Variants in FSTL5 observed in about 807,000 individuals in gnomAD.
The protein encoded by FSTL5 is follistatin-related protein 5.
Under a neutral mutation model 89.1 loss-of-function variants are expected in FSTL5, and 62 were observed. The observed-to-expected ratio is 0.70, with a 90% CI of 0.57 to 0.86. FSTL5 has a LOEUF of 0.86. FSTL5 is among the 40% of genes least tolerant of loss of function. FSTL5 has a pLI of 0.00. For missense variants in FSTL5, 1,057 were observed against 1,001.6 expected (o/e 1.06, Z -0.75); for synonymous variants, 383 against 346.2 (o/e 1.11, Z -1.18).
chr4:161,843,642 C>CATCTACA (rs1731278439), intron 4 of FSTL5, among the ~76,000 whole-genome samples: 1 of 152,082 alleles, frequency 6.6e-6, no homozygotes, highest in South Asian at 2.1e-4. Flanking sequence ...TACTGCCACA[C>CATCTACA]ATCTACAACT....
intron 5 of FSTL5, among the ~76,000 whole-genome samples, chr4:161,772,043 C>A (rs1741227970): frequency 6.6e-6 from 1 of 152,060 alleles, no homozygotes; most frequent in East Asian, 1.9e-4. Context: ...TTCTAAAGAG[C>A]CTACCTTCTT....
chr4:161,973,532 T>C (rs1735544195), intron 3 of FSTL5, among the ~76,000 whole-genome samples: 1 of 152,246 alleles, frequency 6.6e-6, no homozygotes, highest in Non-Finnish European at 1.5e-5. Context: ...TAAATAACTG[T>C]ATTTATGTAT....
chr4:161,725,477 G>T (rs62330798), intron 6 of FSTL5, among the ~76,000 whole-genome samples: 2 of 151,528 alleles, frequency 1.3e-5, no homozygotes, highest in Admixed American at 6.6e-5. Flanking sequence ...TATATTAAAA[G>T]TTACTTGCGG....
chr4:161,721,586 G>T (rs1337608157), intron 6 of FSTL5, among the ~76,000 whole-genome samples: 1 of 152,074 alleles, frequency 6.6e-6, no homozygotes, highest in African/African-American at 2.4e-5. Context: ...GAGGCAGAAA[G>T]TAGGGGCCCA....
chr4:161,726,195 G>C (rs1254751678), intron 6 of FSTL5, among the ~76,000 whole-genome samples: 5 of 150,320 alleles, frequency 3.3e-5, no homozygotes, highest in African/African-American at 1.2e-4. Context: ...AAAAAATTAG[G>C]ATGCAACTCT....
intron 3 of FSTL5, among the ~76,000 whole-genome samples, chr4:161,967,473 CA>C (rs1409674790): frequency 6.6e-6 from 1 of 151,322 alleles, no homozygotes; most frequent in Admixed American, 6.6e-5. Flanking sequence ...ATAAGCAAAA[CA>C]AAACAAAACT....
intron 4 of FSTL5, among the ~76,000 whole-genome samples, chr4:161,836,489 A>G (rs1004429583): frequency 2.6e-5 from 4 of 151,970 alleles, no homozygotes; most frequent in Non-Finnish European, 5.9e-5. Flanking sequence ...AAAGAAAAAA[A>G]AAAGTAAGAA....
At chr4:161,481,200 A>T (rs147077925) in intron 12 of FSTL5, 31 bp from the exon 13 acceptor site, 16 of 1,564,838 alleles carry the variant, frequency 1.0e-5, no homozygotes, top group East Asian at 2.3e-5. Flanking sequence ...AATGAAATTT[A>T]TACCTTAAAT....
At chr4:161,443,383 C>G (rs1049296188) in intron 15 of FSTL5, among the ~76,000 whole-genome samples, 1 of 151,986 alleles carries the variant, frequency 6.6e-6, no homozygotes, top group South Asian at 2.1e-4. Flanking sequence ...GTTTAATTTA[C>G]TTGGAATCAC....
intron 3 of FSTL5, among the ~76,000 whole-genome samples, chr4:162,015,970 T>C (rs570429840): frequency 1.3e-5 from 2 of 152,292 alleles, no homozygotes; most frequent in South Asian, 2.1e-4. Flanking sequence ...AAAGTGGTCA[T>C]GTTTCACTAG....
At chr4:161,708,036 T>C (rs1241269944) in intron 6 of FSTL5, among the ~76,000 whole-genome samples, 1 of 152,012 alleles carries the variant, frequency 6.6e-6, no homozygotes, top group Admixed American at 6.6e-5. Flanking sequence ...TTCTACTGAG[T>C]GCATGTATTA....
At chr4:161,525,242 T>G (rs756131505) in intron 10 of FSTL5, among the ~76,000 whole-genome samples, 6 of 152,202 alleles carry the variant, frequency 3.9e-5, no homozygotes, top group Non-Finnish European at 8.8e-5. Context: ...ATTGATGTAT[T>G]CAGTGTTGAC....
At chr4:161,561,761 G>A (rs571140337) in intron 8 of FSTL5, among the ~76,000 whole-genome samples, 1 of 152,108 alleles carries the variant, frequency 6.6e-6, no homozygotes, top group African/African-American at 2.4e-5. Context: ...ATATTCCCCA[G>A]AATTCTTTTT....
At chr4:162,115,375 C>A (rs191393889) in intron 1 of FSTL5, among the ~76,000 whole-genome samples, 153 of 152,296 alleles carry the variant, frequency 1.0e-3, no homozygotes, top group Middle Eastern at 3.4e-3. Context: ...CACTCATCCA[C>A]AGAAAGTGTT....
chr4:161,489,509 G>T (rs1259964296), intron 12 of FSTL5, among the ~76,000 whole-genome samples: 1 of 152,056 alleles, frequency 6.6e-6, no homozygotes, highest in Non-Finnish European at 1.5e-5. Flanking sequence ...AACAATGAGG[G>T]TTTATGGATG....
intron 6 of FSTL5, among the ~76,000 whole-genome samples, chr4:161,712,994 C>T (rs1738852194): frequency 6.6e-6 from 1 of 152,144 alleles, no homozygotes; most frequent in African/African-American, 2.4e-5. Context: ...AAATAAACCT[C>T]CTTTCTTTAT....
intron 3 of FSTL5, among the ~76,000 whole-genome samples, chr4:161,944,060 T>C (rs1050852343): frequency 6.6e-6 from 1 of 152,106 alleles, no homozygotes. Context: ...ATGTGTAAAT[T>C]AATTACTCCT....
chr4:161,488,513 G>GT (rs1729755431), intron 12 of FSTL5, among the ~76,000 whole-genome samples: 1 of 152,046 alleles, frequency 6.6e-6, no homozygotes, highest in South Asian at 2.1e-4. Flanking sequence ...TATTAGAGAG[G>GT]TTAAAAAAAA....
At chr4:162,076,933 G>T (rs1729873883) in intron 2 of FSTL5, among the ~76,000 whole-genome samples, 1 of 151,692 alleles carries the variant, frequency 6.6e-6, no homozygotes, top group South Asian at 2.1e-4. Context: ...GTACCACTTA[G>T]GGAAACATGA....
Sources: allele counts gnomAD v4.1 joint callset (sites outside exome capture counted in the v4.1 genomes callset), GRCh38; gene constraint gnomAD v4.1.1; transcripts MANE v1.5; gene names NCBI Gene and HGNC (gene_info 2026-07-23, HGNC 2026-07-21).